BAZ2B: variants seen among roughly 807,000 people sequenced by gnomAD.
The protein encoded by BAZ2B is bromodomain adjacent to zinc finger domain protein 2B.
BAZ2B carries 91 observed loss-of-function variants against 246.0 expected under a neutral mutation model. The ratio of observed to expected loss-of-function variants is 0.37; its 90% CI spans 0.31 to 0.44. BAZ2B has a LOEUF of 0.44. Ranked by LOEUF, BAZ2B falls within the 20% of genes least tolerant of loss-of-function variation. The probability of loss-of-function intolerance (pLI) is 1.00; values close to 1 mark genes in which losing one functional copy is unlikely to be tolerated. For missense variants in BAZ2B, 2,332 were observed against 2,533.7 expected, an observed-to-expected ratio of 0.92 and a Z score of 1.71; for synonymous variants, 855 against 860.0, an observed-to-expected ratio of 0.99 and a Z score of 0.10.
the BAZ2B span, among the ~76,000 whole-genome samples, chr2:159,691,911 A>C: frequency 6.6e-6 from 1 of 152,226 alleles, no homozygotes; most frequent in Non-Finnish European, 1.5e-5. Context: ...GCAGCTGCAA[A>C]ATTACTACAG....
At chr2:159,398,063 T>C (rs1156537243) in intron 18 of BAZ2B, 1 of 152,062 alleles carries the variant, frequency 6.6e-6, no homozygotes, top group African/African-American at 2.4e-5. Flanking sequence ...CATGAAAAGG[T>C]AGAAATTTAA....
At position 159,517,783 on chromosome 2, in the gene BAZ2B, C is replaced by T. The variant is rs542797639; in HGVS notation, c.-3+38040G>A. Among the ~76,000 whole-genome samples the T allele has an allele frequency of 5.9e-5, 9 of 152,208 alleles. No homozygotes were observed. The South Asian group carries it at 1.0e-3, about 18-fold the overall frequency. ...CTCAGAACAGGTCTCATTACATATACGTAATATGTCATTTCAAGGAGTATG... is the reference window on the plus strand; with the variant it reads ...CTCAGAACAGGTCTCATTACATATATGTAATATGTCATTTCAAGGAGTATG... On this transcript the variant is annotated intron_variant, in intron 2 of 36. Coordinates refer to ENST00000392783, the MANE Select transcript of BAZ2B (RefSeq NM_013450.4).
chr2:159,501,149 A>T (rs13018134), intron 2 of BAZ2B, among the ~76,000 whole-genome samples: 625 of 32,160 alleles, frequency 0.019, 8 homozygotes, highest in African/African-American at 0.05. Flanking sequence ...TTATATATAT[A>T]ATATATATAA....
At chr2:159,501,541 C>T (rs1315390330) in intron 2 of BAZ2B, among the ~76,000 whole-genome samples, 1 of 151,692 alleles carries the variant, frequency 6.6e-6, no homozygotes, top group Non-Finnish European at 1.5e-5. Flanking sequence ...AGTACAAACT[C>T]AGTAATAAAA....
intron 1 of BAZ2B, among the ~76,000 whole-genome samples, chr2:159,600,554 A>G (rs563177895): frequency 6.6e-6 from 1 of 152,340 alleles, no homozygotes; most frequent in East Asian, 1.9e-4. Context: ...AATAACATAC[A>G]TTCACATGAT....
intron 2 of BAZ2B, chr2:159,516,467 A>G (rs911094507): frequency 6.6e-6 from 1 of 152,556 alleles, no homozygotes; most frequent in African/African-American, 2.4e-5. Context: ...ATGAAAACAT[A>G]ATCCAAGTAA....
At chr2:159,353,952 A>C (rs1453220080) in intron 27 of BAZ2B, among the ~76,000 whole-genome samples, 1 of 152,214 alleles carries the variant, frequency 6.6e-6, no homozygotes, top group East Asian at 1.9e-4. Flanking sequence ...GCACCCAACA[A>C]GGTAAAATTC....
At chr2:159,603,758 G>A (rs1481079622) in intron 1 of BAZ2B, among the ~76,000 whole-genome samples, 2 of 150,814 alleles carry the variant, frequency 1.3e-5, no homozygotes, top group Non-Finnish European at 2.9e-5. Flanking sequence ...AACTATTAAT[G>A]CCAAGGTCAC....
chr2:159,449,954 T>C (rs147117710), intron 4 of BAZ2B, among the ~76,000 whole-genome samples: 1 of 152,236 alleles, frequency 6.6e-6, no homozygotes, highest in East Asian at 1.9e-4. Flanking sequence ...AAGGTTCATT[T>C]GAGGCCAGGA....
At chr2:159,330,525 C>T (rs1293041006) in intron 34 of BAZ2B, among the ~76,000 whole-genome samples, 1 of 152,060 alleles carries the variant, frequency 6.6e-6, no homozygotes, top group African/African-American at 2.4e-5. Flanking sequence ...AATAAGAGCA[C>T]TTTTGGAGAA....
chr2:159,576,407 C>T (rs561654157), intron 1 of BAZ2B, among the ~76,000 whole-genome samples: 24 of 150,978 alleles, frequency 1.6e-4, no homozygotes, highest in African/African-American at 5.1e-4. Context: ...AAAATAAAAA[C>T]GAACAAATAA....
intron 1 of BAZ2B, among the ~76,000 whole-genome samples, chr2:159,583,007 A>G (rs1453371104): frequency 1.3e-5 from 2 of 152,206 alleles, no homozygotes; most frequent in African/African-American, 4.8e-5. Flanking sequence ...ATTATATAGA[A>G]TACATAGCAA....
At chr2:159,426,284 C>T (rs1044012408) in intron 13 of BAZ2B, among the ~76,000 whole-genome samples, 1 of 152,090 alleles carries the variant, frequency 6.6e-6, no homozygotes, top group Admixed American at 6.6e-5. Flanking sequence ...AACTAAAAAT[C>T]CTTTATATGC....
At chr2:159,364,653 A>T (rs2060035639) in intron 27 of BAZ2B, among the ~76,000 whole-genome samples, 1 of 152,188 alleles carries the variant, frequency 6.6e-6, no homozygotes, top group African/African-American at 2.4e-5. Context: ...TACAGGTATA[A>T]GCCACCATGC....
intron 25 of BAZ2B, among the ~76,000 whole-genome samples, chr2:159,382,026 C>A (rs575618493): frequency 1.3e-5 from 2 of 152,250 alleles, no homozygotes; most frequent in African/African-American, 4.8e-5. Flanking sequence ...TTGTCAATAC[C>A]CCTCTCAAAG....
At chr2:159,670,460 C>T in the BAZ2B span, among the ~76,000 whole-genome samples, 6 of 152,152 alleles carry the variant, frequency 3.9e-5, no homozygotes, top group Non-Finnish European at 7.4e-5. Context: ...AAAACACATA[C>T]ACCTTGCAAG....
In BAZ2B at chr2:159,382,651, C is replaced by T. The variant is rs2062130858; in HGVS notation, c.3913G>A (p.Asp1305Asn). Residue 1305 changes from aspartate to asparagine, a missense_variant, in exon 25 of 37, where the codon GAT becomes AAT. By Grantham distance (23) the Asp-to-Asn change is conservative. Around this residue, in one of 9 missense-constraint regions of BAZ2B, gnomAD observed 676 missense variants for 668.6 expected, o/e 1.01. Coordinates refer to ENST00000392783, the MANE Select transcript of BAZ2B (RefSeq NM_013450.4). Reference protein sequence around the residue: ...GDSDYDDDDDDDSDDQGDEDD... With the variant: ...GDSDYDDDDDNDSDDQGDEDD... ...TCATCCCCTTGGTCATCACTGTCAT[C>T]GTCATCATCATCGTCATAATCACTG... 4 of 1,593,098 alleles carry T rather than the reference C, an allele frequency of 2.5e-6. No individual in the cohort carries two copies. Among genetic ancestry groups the T allele is most frequent in the Non-Finnish European group, 3.4e-6 (4 of 1,167,580 alleles).
intron 3 of BAZ2B, chr2:159,464,883 T>C (rs1260567672): frequency 6.6e-6 from 1 of 152,212 alleles, no homozygotes; most frequent in African/African-American, 2.4e-5. Flanking sequence ...CTAAAAGTAA[T>C]ATAATTCTTG....
chr2:159,707,097 T>C, the BAZ2B span, among the ~76,000 whole-genome samples: 13 of 152,302 alleles, frequency 8.5e-5, no homozygotes, highest in Non-Finnish European at 1.5e-4. Flanking sequence ...TCTGTTTCTC[T>C]GGAGAACCCT....
Sources: gnomAD v4.1 joint callset for allele counts (sites outside exome capture counted in the v4.1 genomes callset) on GRCh38, gnomAD v4.1.1 for gene constraint, gnomAD v4.1.1 regional missense constraint, MANE v1.5 for transcripts, NCBI Gene and HGNC (gene_info 2026-07-23, HGNC 2026-07-21) for gene names.